NRCAM: variants seen among roughly 807,000 people sequenced by gnomAD.
The protein encoded by NRCAM is NgCAM-related cell adhesion molecule.
Under a neutral mutation model 156.5 loss-of-function variants are expected in NRCAM, and 83 were observed. The observed-to-expected ratio is 0.53, with a 90% CI of 0.44 to 0.64. The LOEUF (loss-of-function observed/expected upper bound fraction) is 0.64. NRCAM is among the 30% of genes least tolerant of loss of function. The pLI, the probability that NRCAM is intolerant of heterozygous loss-of-function variation, is 0.00. For synonymous variants in NRCAM, 538 were observed against 563.9 expected, an observed-to-expected ratio of 0.95 and a Z score of 0.65; for missense variants, 1,417 against 1,597.3, an observed-to-expected ratio of 0.89 and a Z score of 1.92.
intron 2 of NRCAM, among the ~76,000 whole-genome samples, chr7:108,343,585 G>A (rs541426508): frequency 2.0e-5 from 3 of 152,176 alleles, no homozygotes; most frequent in Non-Finnish European, 4.4e-5. Flanking sequence ...CTCAAAAGAA[G>A]AAATAGAATG....
chr7:108,286,431 A>C (rs1414787929), intron 3 of NRCAM, among the ~76,000 whole-genome samples: 1 of 152,218 alleles, frequency 6.6e-6, no homozygotes, highest in African/African-American at 2.4e-5. Context: ...TGGAATGAAC[A>C]AATAAAAATA....
intron 1 of NRCAM, among the ~76,000 whole-genome samples, chr7:108,453,375 C>T (rs1852698674): frequency 6.6e-6 from 1 of 152,234 alleles, no homozygotes; most frequent in African/African-American, 2.4e-5. Flanking sequence ...CCTCACACTT[C>T]TGAAGCACTT....
chr7:108,418,736 T>C (rs1805145599), intron 1 of NRCAM, among the ~76,000 whole-genome samples: 1 of 152,208 alleles, frequency 6.6e-6, no homozygotes, highest in South Asian at 2.1e-4. Flanking sequence ...ACATGATTGA[T>C]TAAAATGGTT....
intron 2 of NRCAM, among the ~76,000 whole-genome samples, chr7:108,390,049 T>G (rs2099754567): frequency 1.3e-5 from 2 of 152,236 alleles, no homozygotes; most frequent in South Asian, 4.1e-4. Flanking sequence ...GGCTTTGGTA[T>G]CAGGATGATG....
At chr7:108,251,781 G>C (rs1391067510) in intron 3 of NRCAM, among the ~76,000 whole-genome samples, 1 of 152,178 alleles carries the variant, frequency 6.6e-6, no homozygotes, top group Non-Finnish European at 1.5e-5. Flanking sequence ...TTGAGCAGTG[G>C]TTTCTGGGTG....
At chr7:108,446,042 C>G (rs17338441) in intron 1 of NRCAM, among the ~76,000 whole-genome samples, 38,819 of 151,982 alleles carry the variant, frequency 0.26, 5,260 homozygotes, top group Non-Finnish European at 0.29. Flanking sequence ...CAGTGTGCAG[C>G]CACCCAGAGA....
Position 108,240,049 on chromosome 7 carries a change from T to C in NRCAM, c.16A>G (p.Met6Val). ...GCAGATAAGCGCTTCTTTTTCGGCA[T>C]TATTTTAAGCTGCATTAGCTTAACT... is the stretch of plus-strand genomic sequence containing the variant. MQLKI[M>V]PKKKRLSAGR... Residue 6 changes from methionine (M) to valine (V), a missense_variant, in exon 4 of 33, where the codon ATG becomes GTG. By Grantham distance (21) the Met-to-Val change is conservative (BLOSUM62 1). Transcript: ENST00000379028. 6.2e-7 allele frequency: 1 copy of C among 1,612,840 alleles called. No individual in the cohort carries two copies. The highest frequency in any genetic ancestry group is 8.5e-7 in the Non-Finnish European group (1 of 1,179,008).
At chr7:108,223,318 A>G (rs2092795704) in intron 11 of NRCAM, among the ~76,000 whole-genome samples, 1 of 152,214 alleles carries the variant, frequency 6.6e-6, no homozygotes, top group Non-Finnish European at 1.5e-5. Context: ...AGTGATCAGT[A>G]ATCAATAGCT....
chr7:108,453,987 T>C (rs1270510538), intron 1 of NRCAM, among the ~76,000 whole-genome samples: 1 of 152,164 alleles, frequency 6.6e-6, no homozygotes, highest in Non-Finnish European at 1.5e-5. Context: ...CATTCAGGGC[T>C]GGGGACCTTT....
intron 3 of NRCAM, among the ~76,000 whole-genome samples, chr7:108,249,567 TA>T (rs1383167676): frequency 6.6e-6 from 1 of 152,230 alleles, no homozygotes; most frequent in Non-Finnish European, 1.5e-5. Context: ...TTATCAGGTT[TA>T]CTCCAAAGAG....
At chr7:108,409,758 A>G (rs1793024888) in intron 1 of NRCAM, among the ~76,000 whole-genome samples, 1 of 152,190 alleles carries the variant, frequency 6.6e-6, no homozygotes, top group Non-Finnish European at 1.5e-5. Context: ...TCCCCTGGCA[A>G]AAAAATTTCA....
chr7:108,300,574 A>G (rs1430064079), intron 3 of NRCAM, among the ~76,000 whole-genome samples: 1 of 152,216 alleles, frequency 6.6e-6, no homozygotes, highest in Non-Finnish European at 1.5e-5. Flanking sequence ...GACTAAGTCA[A>G]ATTTCCAAAG....
At chr7:108,363,398 C>T (rs2099571801) in intron 2 of NRCAM, among the ~76,000 whole-genome samples, 1 of 152,184 alleles carries the variant, frequency 6.6e-6, no homozygotes, top group South Asian at 2.1e-4. Context: ...GATCCTCCCA[C>T]CTCAGCCTCC....
chr7:108,399,171 T>TG (rs1554605530), intron 2 of NRCAM, among the ~76,000 whole-genome samples: 1,587 of 150,250 alleles, frequency 0.011, 19 homozygotes, highest in Non-Finnish European at 0.017. Flanking sequence ...GTGTGTGTGT[T>TG]TGTGTGTGTG....
rs564792372 is a variant in NRCAM, at chr7:108,348,198, T to C, written c.-173-35467A>G. On this transcript the variant is annotated intron_variant, in intron 2 of 32. Transcript: ENST00000379028. ...ATTTGAGAAAAAGATAGATTTAAGATGTGATTTTCTTGTGGGTAGAGATGT... is the reference window on the plus strand; with the variant it reads ...ATTTGAGAAAAAGATAGATTTAAGACGTGATTTTCTTGTGGGTAGAGATGT... Among the ~76,000 whole-genome samples the C allele has an allele frequency of 9.2e-4, 140 of 152,200 alleles. 1 individual carries two copies. Among genetic ancestry groups the C allele is most frequent in the Non-Finnish European group, 1.8e-3 (121 of 68,006 alleles).
intron 30 of NRCAM, among the ~76,000 whole-genome samples, chr7:108,164,680 C>T (rs17134753): frequency 0.036 from 5,405 of 152,140 alleles, 113 homozygotes; most frequent in Middle Eastern, 0.092. Flanking sequence ...AGGGAGGCAG[C>T]GTAATGGTAA....
Position 108,441,411 on chromosome 7 carries a change from A to G in NRCAM, c.-332+14832T>C, listed in dbSNP as rs1446443491. The stretch of plus-strand genomic sequence containing the variant: ...TTCAATTAGTCAAGGATGCAATTAC[A>G]TTACCTGAATGTGCTGTAGATTAGA... On this transcript the variant is annotated intron_variant, in intron 1 of 32. Coordinates refer to ENST00000379028, the MANE Select transcript of NRCAM (RefSeq NM_001037132.4). 2.6e-5 allele frequency among the ~76,000 whole-genome samples: 4 copies of G among 152,360 alleles called. No homozygotes were observed. The South Asian group carries it at 8.3e-4, about 32-fold the overall frequency.
intron 32 of NRCAM, among the ~76,000 whole-genome samples, chr7:108,153,835 T>C (rs1031261566): frequency 2.6e-5 from 4 of 152,070 alleles, no homozygotes; most frequent in Admixed American, 2.6e-4. Context: ...TATGAGACCA[T>C]AAACATGAAG....
At chr7:108,235,198 C>T (rs140567918) in intron 5 of NRCAM, among the ~76,000 whole-genome samples, 20 of 152,086 alleles carry the variant, frequency 1.3e-4, no homozygotes, top group Non-Finnish European at 1.2e-4. Context: ...TGTGACATCT[C>T]TTATCAGAGC....
Sources: gnomAD v4.1 joint callset for allele counts (sites outside exome capture counted in the v4.1 genomes callset) on GRCh38, gnomAD v4.1.1 for gene constraint, MANE v1.5 for transcripts, NCBI Gene and HGNC (gene_info 2026-07-23, HGNC 2026-07-21) for gene names.